Variants in CAMK4 observed in about 807,000 individuals in gnomAD.
CAMK4 encodes the protein calcium/calmodulin dependent protein kinase IV.
Under a neutral mutation model 44.9 loss-of-function variants are expected in CAMK4, and 22 were observed. The observed-to-expected ratio is 0.49, with a 90% CI of 0.35 to 0.70. CAMK4 has a LOEUF of 0.70. CAMK4 is among the 30% of genes least tolerant of loss of function. The pLI is 0.01. For missense variants in CAMK4, 498 were observed against 586.8 expected (o/e 0.85, Z 1.56); for synonymous variants, 218 against 215.4 (o/e 1.01, Z -0.11).
intron 8 of CAMK4, among the ~76,000 whole-genome samples, chr5:111,477,172 C>T (rs904500845): frequency 1.2e-4 from 18 of 152,184 alleles, no homozygotes; most frequent in Non-Finnish European, 2.4e-4. Context: ...GCGGGATTCT[C>T]TGTGCAGACT....
chr5:111,375,931 G>A (rs2112825201), intron 3 of CAMK4, among the ~76,000 whole-genome samples: 1 of 152,140 alleles, frequency 6.6e-6, no homozygotes, highest in South Asian at 2.1e-4. Flanking sequence ...AAGAGTAAAA[G>A]CTTTCTCAGA....
chr5:111,397,220 G>C (rs1752051300), intron 5 of CAMK4, among the ~76,000 whole-genome samples: 2 of 152,192 alleles, frequency 1.3e-5, no homozygotes, highest in Admixed American at 1.3e-4. Flanking sequence ...TGTGAACTTG[G>C]ACATGTCACT....
intron 1 of CAMK4, among the ~76,000 whole-genome samples, chr5:111,336,530 T>C (rs992639487): frequency 6.6e-6 from 1 of 151,178 alleles, no homozygotes; most frequent in Non-Finnish European, 1.5e-5. Flanking sequence ...GTTCTTCTTT[T>C]AGCTTACTCT....
rs1242012284 is a variant in CAMK4 at position 111,490,114 on chromosome 5, C to T, written c.*5648C>T. ...GTGTCAAAATAACATTTAATTTTCA[C>T]TCTGATTAATCTTTATTTTCCATTT... On this transcript the variant is annotated 3_prime_UTR_variant, in exon 11 of 11. Coordinates refer to ENST00000282356, the MANE Select transcript of CAMK4 (RefSeq NM_001744.6). The T allele has an allele frequency of 2.6e-5, 4 of 152,150 alleles. No homozygotes were observed. The highest frequency in any genetic ancestry group is 1.9e-4 in the East Asian group (1 of 5,190). 9.4% of individuals were successfully genotyped at this position (152,150 alleles called of 1,614,324 possible). A position where few individuals can be genotyped will look rare whatever the true frequency, so the allele number is the denominator to read the frequency against.
intron 5 of CAMK4, among the ~76,000 whole-genome samples, chr5:111,421,276 A>T (rs921026750): frequency 6.6e-6 from 1 of 152,204 alleles, no homozygotes; most frequent in Non-Finnish European, 1.5e-5. Flanking sequence ...GAAACAGGTT[A>T]ACCTGATTTT....
chr5:111,436,925 C>T (rs530139369), intron 5 of CAMK4, among the ~76,000 whole-genome samples: 9 of 152,198 alleles, frequency 5.9e-5, no homozygotes, highest in Admixed American at 2.6e-4. Context: ...GAAATTAATT[C>T]AGCTATAACT....
At chr5:111,447,949 C>A (rs578213639) in intron 6 of CAMK4, among the ~76,000 whole-genome samples, 1 of 152,200 alleles carries the variant, frequency 6.6e-6, no homozygotes, top group South Asian at 2.1e-4. Flanking sequence ...AAAGCAATTT[C>A]TTTAAATGGA....
At chr5:111,250,527 A>G (rs1355198039) in intron 1 of CAMK4, among the ~76,000 whole-genome samples, 5 of 152,218 alleles carry the variant, frequency 3.3e-5, no homozygotes, top group Non-Finnish European at 5.9e-5. Context: ...TTGTATTTCT[A>G]GAAGAATGCT....
intron 1 of CAMK4, among the ~76,000 whole-genome samples, chr5:111,253,982 A>AGCAT (rs1321434067): frequency 1.3e-5 from 2 of 152,214 alleles, no homozygotes; most frequent in Non-Finnish European, 2.9e-5. Context: ...ACCTGGAAAA[A>AGCAT]GCATTTCAGA....
At chr5:111,403,404 A>T (rs371949343) in intron 5 of CAMK4, among the ~76,000 whole-genome samples, 1 of 152,118 alleles carries the variant, frequency 6.6e-6, no homozygotes, top group Admixed American at 6.6e-5. Flanking sequence ...TGGTATTTTC[A>T]TTTCTTTCTC....
intron 2 of CAMK4, among the ~76,000 whole-genome samples, chr5:111,366,020 T>G (rs1750781189): frequency 6.6e-6 from 1 of 152,098 alleles, no homozygotes; most frequent in African/African-American, 2.4e-5. Context: ...ATATACTTGT[T>G]GAATGTCAAA....
In CAMK4 at chr5:111,482,594, T is replaced by A. The variant is rs1322392182; in HGVS notation, c.829-191T>A. The stretch of plus-strand genomic sequence containing the variant: ...GGTGGTACATGGCCCTGTCTTCTCA[T>A]ACTCCCTCAGCTACTGCTACCTGAA... On this transcript the variant is annotated intron_variant, in intron 9 of 10. Transcript: ENST00000282356. This position sits in a 1 kb window ranked among gnomAD's most constrained non-coding sequence, Gnocchi z 4.9. 1.2e-5 allele frequency: 5 copies of A among 422,808 alleles called. No individual in the cohort carries two copies. In the East Asian group the frequency reaches 1.9e-4, roughly 16 times the overall value. 26.2% of individuals were successfully genotyped at this position (422,808 alleles called of 1,614,324 possible).
rs1755762908 is a variant in CAMK4 at position 111,490,070 on chromosome 5, T to TAAC, written c.*5604_*5605insAAC. 2 of 152,244 alleles carry TAAC rather than the reference T, an allele frequency of 1.3e-5. No individual in the cohort carries two copies. Among genetic ancestry groups the TAAC allele is most frequent in the Admixed American group, 6.5e-5 (1 of 15,286 alleles). The allele number at this position is 152,244 out of a possible 1,614,324, so 9.4% of individuals were successfully genotyped here. ...ATAGATACAGAATATATACATTTAA[T>TAAC]CGTTGCTTGTGATTCATTGTGTCAA... On this transcript the variant is annotated 3_prime_UTR_variant, in exon 11 of 11. Transcript: ENST00000282356.
rs190891518 is a variant in CAMK4 at position 111,266,781 on chromosome 5, G to A, written c.161+42137G>A. On this transcript the variant is annotated intron_variant, in intron 1 of 10. Transcript: ENST00000282356. ...CCCTATGCCATAGCTCTAGCTAGGG[G>A]TGCCAAAGTGCTAAATCTATTGGTT... 4.5e-4 allele frequency among the ~76,000 whole-genome samples: 68 copies of A among 152,326 alleles called. 1 individual carries two copies. The highest frequency in any genetic ancestry group is 1.5e-3 in the African/African-American group (61 of 41,580).
At chr5:111,268,503 A>G (rs1269866202) in intron 1 of CAMK4, among the ~76,000 whole-genome samples, 1 of 152,224 alleles carries the variant, frequency 6.6e-6, no homozygotes, top group Non-Finnish European at 1.5e-5. Context: ...ACTTAGTTAT[A>G]TGTGTAAACT....
chr5:111,373,711 A>G (rs1008688173), intron 2 of CAMK4, among the ~76,000 whole-genome samples: 1 of 152,262 alleles, frequency 6.6e-6, no homozygotes, highest in South Asian at 2.1e-4. Context: ...GGATATGCCT[A>G]TAGAGTTTGG....
intron 1 of CAMK4, among the ~76,000 whole-genome samples, chr5:111,286,523 G>C (rs972021610): frequency 6.6e-6 from 1 of 152,116 alleles, no homozygotes; most frequent in Non-Finnish European, 1.5e-5. Context: ...TCTTTCAAAT[G>C]ATGCTCAGAA....
chr5:111,471,567 CAGAT>C (rs1465986871), intron 7 of CAMK4, among the ~76,000 whole-genome samples: 5 of 152,210 alleles, frequency 3.3e-5, no homozygotes, highest in African/African-American at 1.2e-4. Context: ...TCATGTTTCT[CAGAT>C]AGAGGCTCTT....
intron 2 of CAMK4, among the ~76,000 whole-genome samples, chr5:111,351,933 G>A (rs1750127874): frequency 6.6e-6 from 1 of 151,994 alleles, no homozygotes; most frequent in African/African-American, 2.4e-5. Context: ...TTTGATGAGG[G>A]CACTCTTTTT....
Sources: allele counts gnomAD v4.1 joint callset (sites outside exome capture counted in the v4.1 genomes callset), GRCh38; gene constraint gnomAD v4.1.1; non-coding constraint Gnocchi (gnomAD v3.1); transcripts MANE v1.5; gene names NCBI Gene and HGNC (gene_info 2026-07-23, HGNC 2026-07-21).